Variants in NFIB observed in about 807,000 individuals in gnomAD.
The protein encoded by NFIB is nuclear factor 1 B-type.
In NFIB, 11 loss-of-function variants were observed where a neutral mutation model predicts 61.5. That is an observed-to-expected ratio of 0.18 (90% CI 0.11 to 0.30). The LOEUF is 0.30. Ranked by LOEUF, NFIB falls within the 10% of genes least tolerant of loss-of-function variation. The probability of loss-of-function intolerance (pLI) is 1.00; values close to 1 mark genes in which losing one functional copy is unlikely to be tolerated. For missense variants in NFIB, 471 were observed against 608.9 expected (o/e 0.77, Z 2.38); for synonymous variants, 260 against 216.5 (o/e 1.20, Z -1.76).
intron 6 of NFIB, among the ~76,000 whole-genome samples, chr9:14,131,528 G>A (rs932752974): frequency 1.3e-5 from 2 of 152,142 alleles, no homozygotes; most frequent in African/African-American, 4.8e-5. Context: ...GAAACACAGC[G>A]TATGTACTCG....
intron 6 of NFIB, among the ~76,000 whole-genome samples, chr9:14,132,300 T>C (rs1246082354): frequency 6.6e-6 from 1 of 152,188 alleles, no homozygotes; most frequent in Non-Finnish European, 1.5e-5. Context: ...TATTCCTAAA[T>C]TGTCTTCCTT....
At chr9:14,499,173 T>C in the NFIB span, among the ~76,000 whole-genome samples, 1 of 152,074 alleles carries the variant, frequency 6.6e-6, no homozygotes, top group Non-Finnish European at 1.5e-5. Flanking sequence ...ATATATATTT[T>C]TTTCTTCTAG....
rs1206124071 is a variant in NFIB, at chr9:14,313,535, C to G, written c.-24G>C. The G allele has an allele frequency of 6.2e-7, 1 of 1,613,434 alleles. No individual in the cohort carries two copies. On this transcript the variant is annotated 5_prime_UTR_variant, in exon 1 of 11. Coordinates refer to ENST00000380953, the MANE Select transcript of NFIB (RefSeq NM_001190737.2). The surrounding 1 kb of genome is among the most constrained non-coding windows in gnomAD (Gnocchi z 4.5). ...ATGACTTCGCCTTAAAACGCACTTT[C>G]CGGGAGATGCCCAAGAAAATCTTCG... is the stretch of plus-strand genomic sequence containing the variant.
chr9:14,460,517 TA>T, the NFIB span, among the ~76,000 whole-genome samples: 7,876 of 145,750 alleles, frequency 0.054, 220 homozygotes, highest in Non-Finnish European at 0.068. Flanking sequence ...TAAAGTATAA[TA>T]AAAAAAAAAG....
At chr9:14,507,512 G>T in the NFIB span, among the ~76,000 whole-genome samples, 1 of 152,256 alleles carries the variant, frequency 6.6e-6, no homozygotes, top group African/African-American at 2.4e-5. Flanking sequence ...AAAAATAATG[G>T]AAAGTGGGCA....
rs553938039 is a variant in NFIB at position 14,311,534 on chromosome 9, T to G, written c.30+1948A>C. 2.1e-5 allele frequency among the ~76,000 whole-genome samples: 3 copies of G among 142,298 alleles called. No individual in the cohort carries two copies. The East Asian group carries it at 6.1e-4, about 29-fold the overall frequency. 93.4% of individuals were successfully genotyped at this position (142,298 alleles called of 152,430 possible). A position where few individuals can be genotyped will look rare whatever the true frequency, so the allele number is the denominator to read the frequency against. On this transcript the variant is annotated intron_variant, in intron 1 of 10. Transcript: ENST00000380953. ...ATATTATTAAAATAGTAGAGAATAT[T>G]AGTCATCACAAGTTATTGTTGTTAA...
chr9:14,165,515 A>G (rs1157238297), intron 3 of NFIB, among the ~76,000 whole-genome samples: 1 of 152,238 alleles, frequency 6.6e-6, no homozygotes, highest in Non-Finnish European at 1.5e-5. Flanking sequence ...ACGATAGAGG[A>G]AAAAGTCATA....
chr9:14,204,370 T>C (rs184382957), intron 2 of NFIB: 80 of 967,684 alleles, frequency 8.3e-5, no homozygotes, highest in African/African-American at 6.3e-4. Context: ...ATTTTGGCAT[T>C]AGACAGGACA....
At chr9:14,318,038 A>C (rs1010471881), upstream of NFIB, among the ~76,000 whole-genome samples, 6 of 152,246 alleles carry the variant, frequency 3.9e-5, no homozygotes, top group South Asian at 1.2e-3. Context: ...TCCCTCCCAC[A>C]CTGAGAGGGT....
At chr9:14,394,243 A>G (rs1169856168) in intron 1 of NFIB, among the ~76,000 whole-genome samples, 2 of 152,254 alleles carry the variant, frequency 1.3e-5, no homozygotes, top group Non-Finnish European at 1.5e-5. Context: ...AGGATAACAT[A>G]GGACAGACAC....
At chr9:14,486,949 A>G in the NFIB span, among the ~76,000 whole-genome samples, 3 of 152,226 alleles carry the variant, frequency 2.0e-5, no homozygotes, top group African/African-American at 4.8e-5. Flanking sequence ...AGATATCCCA[A>G]TCTGGATTGA....
chr9:14,157,462 A>G (rs1157557342), intron 3 of NFIB, among the ~76,000 whole-genome samples: 1 of 152,220 alleles, frequency 6.6e-6, no homozygotes, highest in Non-Finnish European at 1.5e-5. Flanking sequence ...GTAAGATCTC[A>G]GTAGGGAATA....
chr9:14,230,747 G>A (rs1056128468), intron 2 of NFIB, among the ~76,000 whole-genome samples: 1 of 152,284 alleles, frequency 6.6e-6, no homozygotes, highest in East Asian at 1.9e-4. Flanking sequence ...TTGTACAGAC[G>A]ATGAGGCAGA....
chr9:14,344,129 A>AGG (rs916568609), intron 1 of NFIB, among the ~76,000 whole-genome samples: 4 of 151,478 alleles, frequency 2.6e-5, no homozygotes, highest in African/African-American at 9.7e-5. Flanking sequence ...AGAGAGAGAG[A>AGG]GAGAGAAACA....
chr9:14,271,473 T>A (rs148748905), intron 2 of NFIB, among the ~76,000 whole-genome samples: 17 of 152,232 alleles, frequency 1.1e-4, no homozygotes, highest in African/African-American at 4.1e-4. Context: ...AATTATGACA[T>A]CTGAGTCATT....
At chr9:14,466,530 A>C in the NFIB span, among the ~76,000 whole-genome samples, 2 of 152,092 alleles carry the variant, frequency 1.3e-5, no homozygotes, top group Non-Finnish European at 2.9e-5. Flanking sequence ...CAGAGGAAAA[A>C]GCAATGGAGG....
intron 2 of NFIB, among the ~76,000 whole-genome samples, chr9:14,293,517 A>G (rs2059235251): frequency 6.6e-6 from 1 of 152,242 alleles, no homozygotes; most frequent in East Asian, 1.9e-4. Context: ...TGGGCCTTCC[A>G]CAACAGGAGA....
At chr9:14,405,561 T>C in the NFIB span, among the ~76,000 whole-genome samples, 1 of 152,206 alleles carries the variant, frequency 6.6e-6, no homozygotes, top group African/African-American at 2.4e-5. Flanking sequence ...TGCATGCTGA[T>C]TCTTTAGCTC....
intron 10 of NFIB, 65 bp downstream of exon 10, chr9:14,112,934 C>T (rs1011894615): frequency 8.8e-6 from 13 of 1,471,784 alleles, no homozygotes; most frequent in Non-Finnish European, 1.2e-5. Context: ...ATCTGAGAGG[C>T]AACATGGAGA....
Sources: allele counts gnomAD v4.1 joint callset (sites outside exome capture counted in the v4.1 genomes callset), GRCh38; gene constraint gnomAD v4.1.1; non-coding constraint Gnocchi (gnomAD v3.1); transcripts MANE v1.5; gene names NCBI Gene and HGNC (gene_info 2026-07-23, HGNC 2026-07-21).